Variants in C12orf75 observed in about 807,000 individuals in gnomAD.
C12orf75 encodes overexpressed in colon carcinoma 1 protein.
C12orf75 carries 4 observed loss-of-function variants against 11.4 expected under a neutral mutation model. That is an observed-to-expected ratio of 0.35 (90% CI 0.17 to 0.80). The LOEUF is 0.80. Ranked by LOEUF, C12orf75 falls within the 30% of genes least tolerant of loss-of-function variation. The pLI, the probability that C12orf75 is intolerant of heterozygous loss-of-function variation, is 0.52. For synonymous variants in C12orf75, 30 were observed against 30.0 expected (o/e 1.00, Z 0.00); for missense variants, 89 against 80.4 (o/e 1.11, Z -0.41).
chr12:105,368,576 A>G (rs1871548638), intron 5 of C12orf75, among the ~76,000 whole-genome samples: 1 of 152,174 alleles, frequency 6.6e-6, no homozygotes, highest in African/African-American at 2.4e-5. Flanking sequence ...ATTTTTTTTG[A>G]TAACCAGAAT....
At chr12:105,365,617 A>G (rs1330457527) in intron 2 of C12orf75, among the ~76,000 whole-genome samples, 190 bp from the exon 3 acceptor site, 3 of 152,200 alleles carry the variant, frequency 2.0e-5, no homozygotes, top group African/African-American at 7.2e-5. Context: ...TAACGTATGA[A>G]TGATTGAGGT....
chr12:105,368,337 G>C (rs951791689), intron 5 of C12orf75, among the ~76,000 whole-genome samples: 1 of 152,106 alleles, frequency 6.6e-6, no homozygotes, highest in Non-Finnish European at 1.5e-5. Context: ...CCAGTGATTA[G>C]GAACGTCCTA....
At chr12:105,331,621 C>A (rs1013484600) in intron 1 of C12orf75, among the ~76,000 whole-genome samples, 1 of 135,962 alleles carries the variant, frequency 7.4e-6, no homozygotes, top group African/African-American at 2.9e-5. Flanking sequence ...CACACACACA[C>A]ACAAATAGAA....
chr12:105,341,013 A>G (rs533250742), intron 1 of C12orf75, among the ~76,000 whole-genome samples: 3 of 152,306 alleles, frequency 2.0e-5, no homozygotes, highest in Non-Finnish European at 4.4e-5. Flanking sequence ...CAGATCTATG[A>G]GTGCATAGAT....
At position 105,370,672 on chromosome 12, in the gene C12orf75, C is replaced by T. The variant is rs754092590; in HGVS notation, c.*72C>T. On this transcript the variant is annotated 3_prime_UTR_variant, in exon 6 of 6. Transcript: ENST00000443585. ...TTGGAAGGAATTTGGCTCCGTGGGA[C>T]GTTGTAATGTGCACAGACATTTCCA... 43 of 457,626 alleles carry T rather than the reference C, an allele frequency of 9.4e-5. No individual in the cohort carries two copies. Among genetic ancestry groups the T allele is most frequent in the Non-Finnish European group, 1.5e-4 (35 of 226,810 alleles). 28.3% of individuals were successfully genotyped at this position (457,626 alleles called of 1,614,324 possible).
At chr12:105,361,732 A>T (rs1592884555) in intron 2 of C12orf75, among the ~76,000 whole-genome samples, 1 of 152,280 alleles carries the variant, frequency 6.6e-6, no homozygotes, top group East Asian at 1.9e-4. Context: ...ACACCACCCC[A>T]ACAGGTAGGA....
At chr12:105,344,771 G>A (rs886254394) in intron 1 of C12orf75, among the ~76,000 whole-genome samples, 3 of 150,374 alleles carry the variant, frequency 2.0e-5, no homozygotes, top group African/African-American at 7.3e-5. Context: ...AAAAGTTGAG[G>A]ACTCATGGTC....
At chr12:105,352,587 T>C (rs1892725672) in intron 2 of C12orf75, among the ~76,000 whole-genome samples, 1 of 152,218 alleles carries the variant, frequency 6.6e-6, no homozygotes, top group South Asian at 2.1e-4. Flanking sequence ...GTTGATTTTG[T>C]GTATTGAAGT....
intron 1 of C12orf75, among the ~76,000 whole-genome samples, chr12:105,336,446 T>C (rs1312694490): frequency 6.6e-6 from 1 of 152,234 alleles, no homozygotes; most frequent in African/African-American, 2.4e-5. Context: ...AGTTAATGTG[T>C]GTAAAGTGTT....
intron 5 of C12orf75, among the ~76,000 whole-genome samples, chr12:105,368,046 A>G (rs1031647843): frequency 2.0e-5 from 3 of 152,256 alleles, no homozygotes; most frequent in Non-Finnish European, 4.4e-5. Context: ...GAATCAGAGA[A>G]TAAGTTAACA....
intron 2 of C12orf75, among the ~76,000 whole-genome samples, chr12:105,357,361 T>C (rs1039002283): frequency 3.9e-5 from 6 of 152,210 alleles, no homozygotes; most frequent in African/African-American, 1.2e-4. Context: ...GTCAGTTGCT[T>C]TTTTTTCTTT....
chr12:105,350,855 A>G (rs958638921), intron 2 of C12orf75, among the ~76,000 whole-genome samples: 1 of 152,182 alleles, frequency 6.6e-6, no homozygotes, highest in South Asian at 2.1e-4. Context: ...AAATTTAGTG[A>G]TGATTTTGTC....
intron 2 of C12orf75, among the ~76,000 whole-genome samples, chr12:105,350,095 C>T (rs1892691689): frequency 6.6e-6 from 1 of 152,188 alleles, no homozygotes; most frequent in Non-Finnish European, 1.5e-5. Flanking sequence ...GTGAATACTG[C>T]ACCCTGACCG....
chr12:105,361,487 C>T (rs1335920831), intron 2 of C12orf75, among the ~76,000 whole-genome samples: 1 of 152,152 alleles, frequency 6.6e-6, no homozygotes, highest in Non-Finnish European at 1.5e-5. Context: ...TGAACAGCCA[C>T]TTCTCTTACC....
intron 1 of C12orf75, among the ~76,000 whole-genome samples, chr12:105,332,687 CACCATTGCACT>C (rs1892447854): frequency 6.7e-6 from 1 of 149,758 alleles, no homozygotes; most frequent in Admixed American, 6.7e-5. Context: ...GCTGAGATCG[CACCATTGCACT>C]CCAACCTGGG....
intron 1 of C12orf75, among the ~76,000 whole-genome samples, chr12:105,346,994 T>C (rs1892649434): frequency 1.3e-5 from 2 of 152,266 alleles, no homozygotes; most frequent in African/African-American, 2.4e-5. Flanking sequence ...TTACACATTG[T>C]CTTTTTAAAT....
chr12:105,332,558 C>G (rs1022515340), intron 1 of C12orf75, among the ~76,000 whole-genome samples: 2 of 151,802 alleles, frequency 1.3e-5, no homozygotes, highest in Admixed American at 1.3e-4. Flanking sequence ...ATGGTGAAAC[C>G]CAGTCTCTAC....
At chr12:105,337,532 A>G (rs1892512044) in intron 1 of C12orf75, among the ~76,000 whole-genome samples, 1 of 152,158 alleles carries the variant, frequency 6.6e-6, no homozygotes, top group Non-Finnish European at 1.5e-5. Flanking sequence ...TCATAGGGGC[A>G]TCTAAAACAT....
intron 2 of C12orf75, among the ~76,000 whole-genome samples, chr12:105,362,354 C>T (rs1180716053): frequency 1.6e-5 from 2 of 122,210 alleles, no homozygotes; most frequent in Non-Finnish European, 3.2e-5. Context: ...CACTGCACTC[C>T]AGCCTGGGCG....
Sources: gnomAD v4.1 joint callset for allele counts (sites outside exome capture counted in the v4.1 genomes callset) on GRCh38, gnomAD v4.1.1 for gene constraint, MANE v1.5 for transcripts, NCBI Gene and HGNC (gene_info 2026-07-23, HGNC 2026-07-21) for gene names.